The following NDUFAF6 variants were observed in gnomAD, a reference collection of about 807,000 sequenced individuals.
NDUFAF6 encodes NADH:ubiquinone oxidoreductase complex assembly factor 6.
Under a neutral mutation model 40.8 loss-of-function variants are expected in NDUFAF6, and 45 were observed. The ratio of observed to expected loss-of-function variants is 1.10; its 90% CI spans 0.87 to 1.42. The LOEUF is 1.42. NDUFAF6 is among the 40% of genes most tolerant of loss of function. The probability of loss-of-function intolerance (pLI) is 0.00; values close to 1 mark genes in which losing one functional copy is unlikely to be tolerated. For synonymous variants in NDUFAF6, 185 were observed against 155.9 expected, an observed-to-expected ratio of 1.19 and a Z score of -1.39; for missense variants, 435 against 418.5, an observed-to-expected ratio of 1.04 and a Z score of -0.34.
intron 3 of NDUFAF6, among the ~76,000 whole-genome samples, chr8:95,039,445 C>A (rs1829905686): frequency 4.0e-5 from 6 of 149,230 alleles, no homozygotes; most frequent in Admixed American, 4.0e-4. Context: ...AAGCGAGACT[C>A]TGTCTCAAAA....
At chr8:95,099,169 T>C (rs1328696575), upstream of NDUFAF6, among the ~76,000 whole-genome samples, 1 of 150,810 alleles carries the variant, frequency 6.6e-6, no homozygotes, top group East Asian at 2.0e-4. Context: ...GATCCCAGGA[T>C]GTTGAGGCTG....
downstream of NDUFAF6, among the ~76,000 whole-genome samples, chr8:95,106,049 G>A (rs368812844): frequency 2.0e-5 from 3 of 151,950 alleles, no homozygotes; most frequent in African/African-American, 7.3e-5. Context: ...GCCGAGGTGG[G>A]CGGATCATGA....
chr8:94,911,212 AG>A (rs1234120968), intron 1 of NDUFAF6, among the ~76,000 whole-genome samples: 1 of 152,206 alleles, frequency 6.6e-6, no homozygotes, highest in African/African-American at 2.4e-5. Context: ...TCTTTAATAA[AG>A]TGAAAATTTT....
intron 1 of NDUFAF6, among the ~76,000 whole-genome samples, chr8:94,907,459 G>T (rs1188067048): frequency 6.6e-6 from 1 of 152,190 alleles, no homozygotes; most frequent in Admixed American, 6.5e-5. Flanking sequence ...CCCTAGAAAA[G>T]GGTAGAGCTC....
upstream of NDUFAF6, among the ~76,000 whole-genome samples, chr8:94,955,403 C>T (rs148873915): frequency 5.4e-3 from 824 of 152,342 alleles, 6 homozygotes; most frequent in African/African-American, 0.019. Context: ...AACTAACCCA[C>T]TCCTGGGATA....
chr8:95,064,560 T>TGC (rs1563848895), intron 9 of NDUFAF6, among the ~76,000 whole-genome samples: 5 of 151,884 alleles, frequency 3.3e-5, no homozygotes, highest in Non-Finnish European at 5.9e-5. Flanking sequence ...TGTGTGTGTG[T>TGC]GTGCGCGCGT....
intron 2 of NDUFAF6, among the ~76,000 whole-genome samples, chr8:94,996,103 A>T (rs766271489): frequency 6.6e-6 from 1 of 152,170 alleles, no homozygotes; most frequent in Non-Finnish European, 1.5e-5. Flanking sequence ...TTCTTCCTAG[A>T]TAGTCAAAAT....
At chr8:94,950,766 C>T (rs1283830271) in intron 2 of NDUFAF6, 1 of 152,072 alleles carries the variant, frequency 6.6e-6, no homozygotes, top group East Asian at 1.9e-4. Context: ...CTTGTTTCTC[C>T]CTAGGAATCC....
chr8:95,111,052 A>G (rs1159511799), intron 4 of NDUFAF6, among the ~76,000 whole-genome samples: 1 of 152,242 alleles, frequency 6.6e-6, no homozygotes, highest in Non-Finnish European at 1.5e-5. Context: ...CTGGGCAGGA[A>G]GCCAGAGGTT....
intron 8 of NDUFAF6, among the ~76,000 whole-genome samples, chr8:95,055,853 C>T (rs1296501806): frequency 6.6e-6 from 1 of 152,196 alleles, no homozygotes; most frequent in Non-Finnish European, 1.5e-5. Flanking sequence ...CACCGATGAA[C>T]TTACCACTCG....
chr8:95,032,132 T>C, intron 2 of NDUFAF6, 38 bp downstream of exon 2: 1 of 1,538,474 alleles, frequency 6.5e-7, no homozygotes, highest in Non-Finnish European at 9.0e-7. Context: ...ATTTGCGAAA[T>C]GGTGATATAA....
intron 2 of NDUFAF6, among the ~76,000 whole-genome samples, chr8:95,012,868 G>A (rs975804466): frequency 1.3e-5 from 2 of 151,940 alleles, no homozygotes; most frequent in African/African-American, 4.8e-5. Context: ...TAAAAACTAT[G>A]TAACTCCATA....
intron 1 of NDUFAF6, among the ~76,000 whole-genome samples, chr8:94,923,358 T>C (rs1819633563): frequency 6.6e-6 from 1 of 152,216 alleles, no homozygotes; most frequent in African/African-American, 2.4e-5. Flanking sequence ...TGGTAGCTGC[T>C]AGCCACATGT....
At chr8:94,895,803 CTCAGCCACGCG>C (rs1020499064) in exon 1 of NDUFAF6, 192 of 152,568 alleles carry the variant, frequency 1.3e-3, no homozygotes, top group Non-Finnish European at 2.4e-3. Context: ...GTAAACACCA[CTCAGCCACGCG>C]CCTGGCCAAG....
chr8:95,016,470 C>T (rs1422233829), intron 2 of NDUFAF6, among the ~76,000 whole-genome samples: 5 of 152,160 alleles, frequency 3.3e-5, no homozygotes, highest in Non-Finnish European at 7.3e-5. Flanking sequence ...TCTGGCCGAG[C>T]GTGGTGGCTC....
rs764306285 is a variant in NDUFAF6 at position 95,048,563 on chromosome 8, G to A, written c.816+5G>A. 1.2e-6 allele frequency: 2 copies of A among 1,611,644 alleles called. No homozygotes were observed. The highest frequency in any genetic ancestry group is 1.3e-5 in the African/African-American group (1 of 74,892). On this transcript the variant is annotated splice_donor_5th_base_variant and intron_variant, in intron 7 of 8. Coordinates refer to ENST00000396124, the MANE Select transcript of NDUFAF6 (RefSeq NM_152416.4). ...GCACACTTGCACCTAAAGCATGTAAGTCGGCTTTTTTTTGCCAAATCATTT... is the reference window on the plus strand; with the variant it reads ...GCACACTTGCACCTAAAGCATGTAAATCGGCTTTTTTTTGCCAAATCATTT...
chr8:94,999,439 A>G (rs1210749399), intron 2 of NDUFAF6, among the ~76,000 whole-genome samples: 1 of 150,756 alleles, frequency 6.6e-6, no homozygotes. Flanking sequence ...TTCTTTTGAG[A>G]TGGAGTCTTG....
intron 1 of NDUFAF6, among the ~76,000 whole-genome samples, chr8:94,910,724 A>G (rs1159809064): frequency 6.6e-6 from 1 of 152,248 alleles, no homozygotes; most frequent in Non-Finnish European, 1.5e-5. Flanking sequence ...ACATTCAGTA[A>G]TATCACTTTT....
intron 1 of NDUFAF6, among the ~76,000 whole-genome samples, chr8:94,914,280 T>C (rs1818982909): frequency 6.6e-6 from 1 of 152,124 alleles, no homozygotes; most frequent in Non-Finnish European, 1.5e-5. Flanking sequence ...TCTTCATCTG[T>C]AGATTTGGTT....
Sources: gnomAD v4.1 joint callset for allele counts (sites outside exome capture counted in the v4.1 genomes callset) on GRCh38, gnomAD v4.1.1 for gene constraint, MANE v1.5 for transcripts, NCBI Gene and HGNC (gene_info 2026-07-23, HGNC 2026-07-21) for gene names.